The following ENOX1 variants were observed in gnomAD, a reference collection of about 807,000 sequenced individuals.
The protein encoded by ENOX1 is candidate growth-related and time keeping constitutive hydroquinone (NADH) oxidase.
ENOX1 carries 42 observed loss-of-function variants against 82.5 expected under a neutral mutation model. The observed-to-expected ratio is 0.51, with a 90% CI of 0.40 to 0.66. The LOEUF is 0.66. Among genes scored for constraint, ENOX1 ranks in the 30% least tolerant of loss-of-function variants. The pLI, the probability that ENOX1 is intolerant of heterozygous loss-of-function variation, is 0.00. For synonymous variants in ENOX1, 271 were observed against 282.2 expected (o/e 0.96, Z 0.40); for missense variants, 608 against 811.6 (o/e 0.75, Z 3.05).
In ENOX1 at chr13:43,228,404, T is replaced by C. The variant is rs190109043; in HGVS notation, c.1715-4266A>G. Among the ~76,000 whole-genome samples the C allele has an allele frequency of 1.5e-3, 234 of 152,248 alleles. 1 individual carries two copies. The highest frequency in any genetic ancestry group is 5.5e-3 in the African/African-American group (227 of 41,556). Reference sequence around the variant, plus strand: ...GGGTTTCCAAAAGTGGAAAAAAAATTTTAAGTGCCTAATTTAAAAAAATTT... The same window carrying C: ...GGGTTTCCAAAAGTGGAAAAAAAATCTTAAGTGCCTAATTTAAAAAAATTT... On this transcript the variant is annotated intron_variant, in intron 15 of 16. Transcript: ENST00000690772.
intron 3 of ENOX1, among the ~76,000 whole-genome samples, chr13:43,444,545 T>C (rs1047937476): frequency 6.6e-6 from 1 of 152,134 alleles, no homozygotes; most frequent in Non-Finnish European, 1.5e-5. Flanking sequence ...GGCCGGTAAA[T>C]GGCTGAGAAG....
At position 43,361,386 on chromosome 13, in the gene ENOX1, G is replaced by T. The variant is rs2050494425; in HGVS notation, c.275C>A (p.Pro92Gln). ...TACCAGTCCAAGGCCTGGTATCATTGGGTTAATGGGGGTGATTCCAGTCAT... is the reference window on the plus strand; with the variant it reads ...TACCAGTCCAAGGCCTGGTATCATTTGGTTAATGGGGGTGATTCCAGTCAT... Reference protein sequence around the residue: ...NMMTGITPINPMIPGLGLVPP... With the variant: ...NMMTGITPINQMIPGLGLVPP... The change falls in exon 6 of 17, where the codon CCA becomes CAA. Residue 92 changes from proline to glutamine, a missense_variant. Pro to Gln is a moderately conservative substitution (Grantham distance 76, BLOSUM62 -1). Transcript: ENST00000690772. 2.5e-6 allele frequency: 4 copies of T among 1,613,122 alleles called. No homozygotes were observed. The highest frequency in any genetic ancestry group is 3.4e-6 in the Non-Finnish European group (4 of 1,179,836).
chr13:43,697,650 G>A (rs2086706359), intron 1 of ENOX1, among the ~76,000 whole-genome samples: 1 of 152,164 alleles, frequency 6.6e-6, no homozygotes, highest in South Asian at 2.1e-4. Context: ...AGAACTAGCA[G>A]GACCTGGGCA....
At chr13:43,588,264 G>A (rs1032518) in intron 2 of ENOX1, among the ~76,000 whole-genome samples, 142,915 of 152,256 alleles carry the variant, frequency 0.94, 67,661 homozygotes, top group South Asian at 1. Context: ...TCTTATTAAA[G>A]CAAAATGTAT....
intron 2 of ENOX1, among the ~76,000 whole-genome samples, chr13:43,657,573 C>A (rs2084502101): frequency 6.6e-6 from 1 of 152,180 alleles, no homozygotes; most frequent in Non-Finnish European, 1.5e-5. Flanking sequence ...AGAAAGCACC[C>A]CTTCACTTTG....
chr13:43,415,673 ATCTC>A (rs2153601423), intron 3 of ENOX1, among the ~76,000 whole-genome samples: 1 of 151,632 alleles, frequency 6.6e-6, no homozygotes, highest in South Asian at 2.1e-4. Flanking sequence ...TAACAATCTG[ATCTC>A]TCTTTCTTTT....
intron 2 of ENOX1, among the ~76,000 whole-genome samples, chr13:43,631,686 C>T (rs771616092): frequency 2.6e-5 from 4 of 152,186 alleles, no homozygotes; most frequent in Admixed American, 6.5e-5. Flanking sequence ...AATATCTACA[C>T]GCAAGTAGGC....
intron 2 of ENOX1, among the ~76,000 whole-genome samples, chr13:43,572,362 G>A (rs1288521941): frequency 1.3e-5 from 2 of 152,208 alleles, no homozygotes; most frequent in African/African-American, 4.8e-5. Flanking sequence ...GCTGAGGACA[G>A]TGGAATATTA....
intron 5 of ENOX1, among the ~76,000 whole-genome samples, chr13:43,403,287 A>G (rs2053600017): frequency 1.3e-5 from 2 of 152,152 alleles, no homozygotes; most frequent in East Asian, 3.8e-4. Flanking sequence ...TTTTATATTA[A>G]TAATTCAGAA....
chr13:43,627,475 A>G (rs1460503807), intron 2 of ENOX1, among the ~76,000 whole-genome samples: 1 of 152,070 alleles, frequency 6.6e-6, no homozygotes, highest in East Asian at 1.9e-4. Context: ...ACAGTCTATT[A>G]GTATCATTTT....
intron 2 of ENOX1, among the ~76,000 whole-genome samples, chr13:43,555,266 G>GC (rs1204648187): frequency 2.6e-5 from 4 of 152,186 alleles, no homozygotes; most frequent in African/African-American, 9.7e-5. Flanking sequence ...AAGACAACTA[G>GC]CATCAGCCGT....
intron 1 of ENOX1, among the ~76,000 whole-genome samples, chr13:43,696,582 A>G (rs2086650940): frequency 6.6e-6 from 1 of 152,172 alleles, no homozygotes; most frequent in Admixed American, 6.5e-5. Flanking sequence ...GTGGTGCTAT[A>G]GGGCACACCG....
chr13:43,284,869 C>T (rs895741909), intron 12 of ENOX1, among the ~76,000 whole-genome samples: 20 of 149,844 alleles, frequency 1.3e-4, no homozygotes, highest in Admixed American at 7.3e-4. Flanking sequence ...AAACAGAAAG[C>T]GCAAAAACTG....
At chr13:43,639,900 G>T (rs1476372657) in intron 2 of ENOX1, among the ~76,000 whole-genome samples, 1 of 152,100 alleles carries the variant, frequency 6.6e-6, no homozygotes, top group Non-Finnish European at 1.5e-5. Flanking sequence ...ATGGTGGTGT[G>T]TGCCTGTAGT....
chr13:43,279,823 C>T (rs1320694337), intron 12 of ENOX1, among the ~76,000 whole-genome samples: 5 of 152,170 alleles, frequency 3.3e-5, no homozygotes, highest in East Asian at 1.9e-4. Flanking sequence ...AGAGAAAGGT[C>T]GGTTGTTCAG....
At chr13:43,668,847 G>A (rs563572593) in intron 1 of ENOX1, among the ~76,000 whole-genome samples, 7 of 152,322 alleles carry the variant, frequency 4.6e-5, no homozygotes, top group Admixed American at 1.3e-4. Context: ...GAAGCAGTCC[G>A]CCTACAGGTA....
At chr13:43,707,411 T>C (rs1020736168) in intron 1 of ENOX1, among the ~76,000 whole-genome samples, 1 of 151,932 alleles carries the variant, frequency 6.6e-6, no homozygotes, top group African/African-American at 2.4e-5. Flanking sequence ...AAAACTTGTA[T>C]GGAAATGTAA....
chr13:43,586,822 TG>T (rs2081010117), intron 2 of ENOX1, among the ~76,000 whole-genome samples: 1 of 151,788 alleles, frequency 6.6e-6, no homozygotes, highest in Non-Finnish European at 1.5e-5. Context: ...CCCAGCACTT[TG>T]GGAGGCTGAG....
At chr13:43,591,855 G>C (rs2081260217) in intron 2 of ENOX1, among the ~76,000 whole-genome samples, 1 of 152,072 alleles carries the variant, frequency 6.6e-6, no homozygotes, top group Admixed American at 6.6e-5. Flanking sequence ...GCAAATAGAA[G>C]TTGGAGGTAA....
Sources: gnomAD v4.1 joint callset for allele counts (sites outside exome capture counted in the v4.1 genomes callset) on GRCh38, gnomAD v4.1.1 for gene constraint, MANE v1.5 for transcripts, NCBI Gene and HGNC (gene_info 2026-07-23, HGNC 2026-07-21) for gene names.